The following TBCK variants were observed in gnomAD, a reference collection of about 807,000 sequenced individuals.
The protein encoded by TBCK is TBC domain-containing protein kinase-like protein.
A neutral mutation model predicts 113.4 loss-of-function variants in TBCK; 99 were observed. The observed-to-expected ratio is 0.87, with a 90% confidence interval of 0.74 to 1.03. The LOEUF is 1.03. TBCK is among the 50% of genes least tolerant of loss of function. The pLI, the probability that TBCK is intolerant of heterozygous loss-of-function variation, is 0.00. For missense variants in TBCK, 1,045 were observed against 1,061.3 expected, an observed-to-expected ratio of 0.98 and a Z score of 0.21; for synonymous variants, 369 against 370.8, an observed-to-expected ratio of 1.00 and a Z score of 0.05.
intron 19 of TBCK, among the ~76,000 whole-genome samples, chr4:106,216,875 G>A (rs1757003319): frequency 6.6e-6 from 1 of 151,568 alleles, no homozygotes; most frequent in Admixed American, 6.6e-5. Context: ...TATGAGGCCA[G>A]CATCATTCTG....
intron 17 of TBCK, among the ~76,000 whole-genome samples, 158 bp downstream of exon 17, chr4:106,232,780 A>T (rs1759010478): frequency 6.6e-6 from 1 of 152,070 alleles, no homozygotes; most frequent in African/African-American, 2.4e-5. Context: ...AAAGATTTTT[A>T]AAAATGTTTG....
chr4:106,044,200 T>G lies in TBCK; in HGVS notation c.*2370A>C, dbSNP rs963004695. On this transcript the variant is annotated 3_prime_UTR_variant, in exon 26 of 26. Coordinates refer to ENST00000394708, the MANE Select transcript of TBCK (RefSeq NM_001163435.3). Reference sequence around the variant, plus strand: ...TTCAACTCAAATCACTGCCCCTCCATCCCTCTCTTCTCTGCTTTCTCAGTA... The same window carrying G: ...TTCAACTCAAATCACTGCCCCTCCAGCCCTCTCTTCTCTGCTTTCTCAGTA... 2.0e-5 allele frequency: 3 copies of G among 152,152 alleles called. No individual in the cohort carries two copies. The highest frequency in any genetic ancestry group is 7.2e-5 in the African/African-American group (3 of 41,438). 9.4% of individuals were successfully genotyped at this position (152,152 alleles called of 1,614,324 possible).
At chr4:106,243,740 G>A (rs1445204505) in intron 11 of TBCK, among the ~76,000 whole-genome samples, 1 of 152,078 alleles carries the variant, frequency 6.6e-6, no homozygotes, top group Non-Finnish European at 1.5e-5. Flanking sequence ...AGGCTGAAGT[G>A]CAGTAGCATG....
At chr4:106,201,778 T>A (rs1313289596) in intron 20 of TBCK, among the ~76,000 whole-genome samples, 1 of 152,086 alleles carries the variant, frequency 6.6e-6, no homozygotes, top group African/African-American at 2.4e-5. Context: ...AGTCCCTTTC[T>A]ATTGATTTTC....
At chr4:106,093,177 A>C (rs1267507306) in intron 25 of TBCK, among the ~76,000 whole-genome samples, 1 of 152,230 alleles carries the variant, frequency 6.6e-6, no homozygotes, top group Non-Finnish European at 1.5e-5. Context: ...TGGTTAGTTA[A>C]GTTTCATCAT....
chr4:106,140,538 G>A (rs191714735), intron 23 of TBCK, among the ~76,000 whole-genome samples: 37 of 140,626 alleles, frequency 2.6e-4, no homozygotes, highest in African/African-American at 9.3e-4. Context: ...GTTGGTACTA[G>A]CCTCTCAAGA....
intron 25 of TBCK, among the ~76,000 whole-genome samples, chr4:106,077,863 TGCACATG>T (rs1367927598): frequency 6.6e-6 from 1 of 152,208 alleles, no homozygotes; most frequent in Non-Finnish European, 1.5e-5. Context: ...TCTTCTCATC[TGCACATG>T]GCACATACTT....
At chr4:106,116,153 C>A in intron 24 of TBCK, 50 bp downstream of exon 24, 4 of 1,512,304 alleles carry the variant, frequency 2.6e-6, no homozygotes, top group Non-Finnish European at 2.7e-6. Context: ...TGAAAGGATG[C>A]AATACAAATA....
At chr4:106,157,667 G>T (rs917431456) in intron 23 of TBCK, among the ~76,000 whole-genome samples, 3 of 152,070 alleles carry the variant, frequency 2.0e-5, no homozygotes, top group African/African-American at 7.2e-5. Flanking sequence ...CCTGCTGGGG[G>T]GTGGGCAAGG....
intron 23 of TBCK, among the ~76,000 whole-genome samples, chr4:106,129,058 A>G (rs535707634): frequency 6.2e-4 from 95 of 152,334 alleles, no homozygotes; most frequent in African/African-American, 2.1e-3. Context: ...AGAATATAGT[A>G]CTGGGATAAC....
At chr4:106,214,515 C>A (rs1439670920) in intron 19 of TBCK, among the ~76,000 whole-genome samples, 1 of 151,786 alleles carries the variant, frequency 6.6e-6, no homozygotes, top group African/African-American at 2.4e-5. Context: ...CAGAGAAGTG[C>A]TTAAAGGAGC....
intron 20 of TBCK, among the ~76,000 whole-genome samples, chr4:106,199,381 T>C (rs1392346317): frequency 3.9e-5 from 6 of 152,122 alleles, no homozygotes; most frequent in Non-Finnish European, 7.4e-5. Context: ...ATCTCCTTTG[T>C]TGGTTCCTCT....
At chr4:106,174,878 T>C (rs531562961) in intron 22 of TBCK, among the ~76,000 whole-genome samples, 1 of 152,230 alleles carries the variant, frequency 6.6e-6, no homozygotes, top group Non-Finnish European at 1.5e-5. Flanking sequence ...ATCCTAGCAC[T>C]TTGGGAGGCC....
chr4:106,261,062 TAATA>T (rs888451682), intron 4 of TBCK, among the ~76,000 whole-genome samples: 2 of 152,078 alleles, frequency 1.3e-5, no homozygotes, highest in African/African-American at 4.8e-5. Context: ...ATAAGGCTCT[TAATA>T]AATGATAAAT....
chr4:106,279,786 G>A (rs1005675272), intron 3 of TBCK, among the ~76,000 whole-genome samples: 4 of 152,040 alleles, frequency 2.6e-5, no homozygotes, highest in Admixed American at 2.6e-4. Flanking sequence ...TGGCTGAATA[G>A]TACTCCATTG....
rs1028650170 is a variant in TBCK, at chr4:106,231,652, A to C, written c.1690+77T>G. 2.0e-5 allele frequency: 28 copies of C among 1,404,760 alleles called. No homozygotes were observed. In the East Asian group the frequency reaches 6.5e-4, roughly 32 times the overall value. The allele number at this position is 1,404,760 out of a possible 1,614,324, so 87.0% of individuals were successfully genotyped here. A position where few individuals can be genotyped will look rare whatever the true frequency, so the allele number is the denominator to read the frequency against. Reference sequence around the variant, plus strand: ...AGAGAATAAGAGCCTTAAAACAAAAACAAAAACCTTTCATGTGTGAATCAA... The same window carrying C: ...AGAGAATAAGAGCCTTAAAACAAAACCAAAAACCTTTCATGTGTGAATCAA... On this transcript the variant is annotated intron_variant, in intron 18 of 25. Coordinates refer to ENST00000394708, the MANE Select transcript of TBCK (RefSeq NM_001163435.3).
intron 2 of TBCK, among the ~76,000 whole-genome samples, chr4:106,305,186 A>G (rs1178165825): frequency 6.6e-6 from 1 of 151,934 alleles, no homozygotes; most frequent in Non-Finnish European, 1.5e-5. Context: ...TTTTTCTTTC[A>G]TGTACTATAT....
intron 1 of TBCK, chr4:106,315,573 C>A (rs527596676): frequency 6.6e-6 from 1 of 152,336 alleles, no homozygotes; most frequent in Non-Finnish European, 1.5e-5. Flanking sequence ...GGGGGTGTTA[C>A]ACTTTGACGA....
chr4:106,071,965 T>C (rs540528198), intron 25 of TBCK, among the ~76,000 whole-genome samples: 6 of 152,308 alleles, frequency 3.9e-5, no homozygotes, highest in African/African-American at 1.4e-4. Context: ...TCTTCCTCCT[T>C]CCCTTTATTT....
Sources: gnomAD v4.1 joint callset for allele counts (sites outside exome capture counted in the v4.1 genomes callset) on GRCh38, gnomAD v4.1.1 for gene constraint, MANE v1.5 for transcripts, NCBI Gene and HGNC (gene_info 2026-07-23, HGNC 2026-07-21) for gene names.